Variants in C4orf51 observed in about 807,000 individuals in gnomAD.
C4orf51 encodes chromosome 4 open reading frame 51, also known as uncharacterized protein C4orf51.
A neutral mutation model predicts 25.2 loss-of-function variants in C4orf51; 25 were observed. The ratio of observed to expected loss-of-function variants is 0.99; its 90% CI spans 0.72 to 1.39. The LOEUF (loss-of-function observed/expected upper bound fraction) is 1.39. Ranked by LOEUF, C4orf51 falls within the 40% of genes most tolerant of loss-of-function variation. The pLI is 0.00. For missense variants in C4orf51, 252 were observed against 239.6 expected (o/e 1.05, Z -0.34); for synonymous variants, 100 against 84.5 (o/e 1.18, Z -1.01).
At chr4:145,731,366 T>G (rs1427305138) in intron 5 of C4orf51, among the ~76,000 whole-genome samples, 1 of 152,054 alleles carries the variant, frequency 6.6e-6, no homozygotes, top group Non-Finnish European at 1.5e-5. Flanking sequence ...GTAGCCGCTT[T>G]TAAGTCAACC....
At chr4:145,758,648 C>T (rs1274403210), downstream of C4orf51, 1 of 152,220 alleles carries the variant, frequency 6.6e-6, no homozygotes, top group African/African-American at 2.4e-5. Flanking sequence ...GTGTATTGTC[C>T]ATAACTATCT....
intron 1 of C4orf51, among the ~76,000 whole-genome samples, chr4:145,695,584 T>G (rs1158498469): frequency 6.6e-6 from 1 of 152,228 alleles, no homozygotes; most frequent in Non-Finnish European, 1.5e-5. Flanking sequence ...TTCTTTGCTG[T>G]GCAGAAGCTC....
At chr4:145,746,522 G>A (rs1054586720) in intron 1 of C4orf51, among the ~76,000 whole-genome samples, 5 of 152,050 alleles carry the variant, frequency 3.3e-5, no homozygotes, top group African/African-American at 1.2e-4. Flanking sequence ...TGAGCTCACT[G>A]TAGATGCCTG....
At chr4:145,689,915 C>T (rs959826239) in intron 1 of C4orf51, among the ~76,000 whole-genome samples, 1 of 152,118 alleles carries the variant, frequency 6.6e-6, no homozygotes, top group African/African-American at 2.4e-5. Flanking sequence ...TATAAAAATC[C>T]TAGAAGAGGC....
chr4:145,761,593 G>A lies in C4orf51; in HGVS notation n.167-9395G>A, dbSNP rs1263583860. 3.2e-6 allele frequency: 4 copies of A among 1,259,422 alleles called. No individual in the cohort carries two copies. In the South Asian group the frequency reaches 3.9e-5, roughly 12 times the overall value. 78.0% of individuals were successfully genotyped at this position (1,259,422 alleles called of 1,614,324 possible). On this transcript the variant is annotated intron_variant and non_coding_transcript_variant, in intron 1 of 1. Transcript: ENST00000510096. The surrounding 1 kb of genome is among the most constrained non-coding windows in gnomAD (Gnocchi z 6.8). ...GCGGTTGGTGGAATAAATGCAGAATGGGCACCTGCCGGGGAAAGCAACGCA... is the reference window on the plus strand; with the variant it reads ...GCGGTTGGTGGAATAAATGCAGAATAGGCACCTGCCGGGGAAAGCAACGCA...
intron 1 of C4orf51, among the ~76,000 whole-genome samples, chr4:145,689,981 G>T (rs1388061801): frequency 2.6e-5 from 4 of 151,802 alleles, no homozygotes; most frequent in Non-Finnish European, 4.4e-5. Flanking sequence ...TAGGTGGGCG[G>T]ATTACCTGAG....
At chr4:145,716,345 G>A (rs10006969) in intron 2 of C4orf51, among the ~76,000 whole-genome samples, 53 of 152,204 alleles carry the variant, frequency 3.5e-4, no homozygotes, top group African/African-American at 1.0e-3. Context: ...GGAGACACAC[G>A]TGCTCTTTCT....
intron 1 of C4orf51, among the ~76,000 whole-genome samples, chr4:145,687,303 G>T (rs1380703795): frequency 6.6e-6 from 1 of 152,062 alleles, no homozygotes; most frequent in African/African-American, 2.4e-5. Flanking sequence ...TTTCCAGACC[G>T]AACCAATGTA....
the C4orf51 span, among the ~76,000 whole-genome samples, chr4:145,780,524 C>A: frequency 6.6e-6 from 1 of 152,348 alleles, no homozygotes. Context: ...GACTTTAATA[C>A]ATTCTCTAAT....
chr4:145,708,689 T>C (rs1421869381), intron 2 of C4orf51, among the ~76,000 whole-genome samples: 1 of 152,238 alleles, frequency 6.6e-6, no homozygotes, highest in Admixed American at 6.5e-5. Flanking sequence ...ACCCCTAACC[T>C]TGCCTTCATC....
intron 2 of C4orf51, among the ~76,000 whole-genome samples, chr4:145,704,125 T>G (rs573891554): frequency 4.6e-5 from 7 of 152,052 alleles, no homozygotes; most frequent in Non-Finnish European, 8.8e-5. Flanking sequence ...AAATGAGGAG[T>G]CTTGGCTGGC....
chr4:145,779,100 A>AT, the C4orf51 span, among the ~76,000 whole-genome samples: 79 of 152,166 alleles, frequency 5.2e-4, 1 homozygote, highest in South Asian at 0.015. Flanking sequence ...AACTCAATAC[A>AT]TTTTTTTTAA....
chr4:145,744,675 CA>C (rs938780709), intron 1 of C4orf51, among the ~76,000 whole-genome samples: 116 of 151,222 alleles, frequency 7.7e-4, no homozygotes, highest in African/African-American at 2.4e-3. Flanking sequence ...AGCAATTCTA[CA>C]AAAAAAAATT....
intron 1 of C4orf51, among the ~76,000 whole-genome samples, chr4:145,751,559 A>G (rs565552795): frequency 2.2e-4 from 33 of 152,268 alleles, no homozygotes; most frequent in African/African-American, 7.9e-4. Flanking sequence ...TCGCACTACC[A>G]CTGGGACTAC....
At chr4:145,736,347 G>A (rs902148287), downstream of C4orf51, among the ~76,000 whole-genome samples, 1 of 151,942 alleles carries the variant, frequency 6.6e-6, no homozygotes, top group African/African-American at 2.4e-5. Flanking sequence ...TTCCTTCCCA[G>A]GGAGCTTTCT....
the C4orf51 span, chr4:145,779,265 A>G: frequency 1.4e-6 from 2 of 1,410,028 alleles, no homozygotes; most frequent in Non-Finnish European, 1.9e-6. Context: ...AAGGTCAGCC[A>G]TTCCCAGCAC....
rs550360065 is a variant in C4orf51 at position 145,768,067 on chromosome 4, G to A, written n.167-2921G>A. ...GTAAACATATGACAATAGTATAAAC[G>A]CTAGGAGGAGAGAAATGGAAGTCTA... On this transcript the variant is annotated intron_variant and non_coding_transcript_variant, in intron 1 of 1. Coordinates refer to the C4orf51 transcript ENST00000510096. Among the ~76,000 whole-genome samples the A allele has an allele frequency of 4.6e-5, 7 of 152,264 alleles. No homozygotes were observed. The East Asian group carries it at 1.3e-3, about 29-fold the overall frequency.
chr4:145,683,563 T>C (rs1179978641), intron 1 of C4orf51, among the ~76,000 whole-genome samples: 1 of 151,976 alleles, frequency 6.6e-6, no homozygotes, highest in African/African-American at 2.4e-5. Context: ...ATCAATGAAG[T>C]AGAATAGAGA....
chr4:145,744,784 C>T (rs1052260371), intron 1 of C4orf51, among the ~76,000 whole-genome samples: 4 of 151,264 alleles, frequency 2.6e-5, no homozygotes, highest in East Asian at 3.9e-4. Context: ...ACCCAGTGGG[C>T]GGAGCTTGCA....
Sources: allele counts gnomAD v4.1 joint callset (sites outside exome capture counted in the v4.1 genomes callset), GRCh38; gene constraint gnomAD v4.1.1; non-coding constraint Gnocchi (gnomAD v3.1); transcripts MANE v1.5; gene names NCBI Gene and HGNC (gene_info 2026-07-23, HGNC 2026-07-21).